IQCM: variants seen among roughly 807,000 people sequenced by gnomAD.
IQCM encodes IQ motif containing M, also known as IQ domain-containing protein M.
IQCM carries 45 observed loss-of-function variants against 57.6 expected under a neutral mutation model. That is an observed-to-expected ratio of 0.78 (90% CI 0.62 to 1.00). IQCM has a LOEUF of 1.00. Ranked by LOEUF, IQCM falls within the 50% of genes least tolerant of loss-of-function variation. The pLI, the probability that IQCM is intolerant of heterozygous loss-of-function variation, is 0.00. For missense variants in IQCM, 468 were observed against 511.6 expected (o/e 0.91, Z 0.82); for synonymous variants, 148 against 158.9 (o/e 0.93, Z 0.51).
intron 12 of IQCM, among the ~76,000 whole-genome samples, chr4:149,468,570 G>C (rs192498556): frequency 0.015 from 1,799 of 120,708 alleles, 39 homozygotes; most frequent in Non-Finnish European, 0.016. Context: ...CTGAACAAAA[G>C]GCAGCAGAAA....
chr4:149,767,903 T>G (rs567405992), intron 2 of IQCM, among the ~76,000 whole-genome samples: 6 of 152,126 alleles, frequency 3.9e-5, no homozygotes, highest in Non-Finnish European at 7.4e-5. Context: ...TAACATAAAA[T>G]GGACTTTTAT....
chr4:149,511,143 T>C (rs1336356696), intron 12 of IQCM, among the ~76,000 whole-genome samples: 1 of 152,192 alleles, frequency 6.6e-6, no homozygotes, highest in East Asian at 1.9e-4. Context: ...TATGATATTC[T>C]TCCTTTCTCT....
At chr4:149,787,752 C>T (rs1772203986) in intron 2 of IQCM, among the ~76,000 whole-genome samples, 1 of 151,990 alleles carries the variant, frequency 6.6e-6, no homozygotes, top group Non-Finnish European at 1.5e-5. Context: ...ACAGGGAAAA[C>T]ACCTCAAAAC....
intron 8 of IQCM, among the ~76,000 whole-genome samples, chr4:149,610,479 A>G (rs777941432): frequency 6.6e-6 from 1 of 152,112 alleles, no homozygotes; most frequent in East Asian, 1.9e-4. Context: ...AAATTATACT[A>G]TAAAGCTATG....
Position 149,683,372 on chromosome 4 carries a change from T to C in IQCM, c.477-1166A>G, listed in dbSNP as rs543407045. On this transcript the variant is annotated intron_variant, in intron 6 of 13. Transcript: ENST00000636793. ...TTTCTAGAATTTTAAAACATTTGCC[T>C]AGAAAGCAGCATGGTCTATGAAAGA... 5.4e-4 allele frequency among the ~76,000 whole-genome samples: 82 copies of C among 151,378 alleles called. 1 individual carries two copies. In the South Asian group the frequency reaches 0.015, roughly 28 times the overall value.
intron 7 of IQCM, among the ~76,000 whole-genome samples, chr4:149,641,700 CA>C (rs1758207123): frequency 6.6e-6 from 1 of 152,022 alleles, no homozygotes; most frequent in Admixed American, 6.5e-5. Flanking sequence ...AAATTTAGAA[CA>C]TTAAAATTAT....
chr4:149,684,051 A>G (rs774569591), intron 6 of IQCM, among the ~76,000 whole-genome samples: 7 of 151,360 alleles, frequency 4.6e-5, no homozygotes, highest in Non-Finnish European at 1.0e-4. Flanking sequence ...AATGCACCAA[A>G]TAATATCAAC....
chr4:149,703,770 A>G (rs755424275), intron 5 of IQCM, among the ~76,000 whole-genome samples: 30 of 152,062 alleles, frequency 2.0e-4, no homozygotes, highest in Non-Finnish European at 3.2e-4. Context: ...TGTCAAAGGG[A>G]AAATCATTAC....
intron 7 of IQCM, among the ~76,000 whole-genome samples, chr4:149,634,881 T>G (rs189836185): frequency 2.6e-4 from 40 of 152,312 alleles, no homozygotes; most frequent in Non-Finnish European, 4.7e-4. Flanking sequence ...AGAATTTGCC[T>G]CATCTAATCC....
chr4:149,608,645 A>G (rs1024893492), intron 8 of IQCM, among the ~76,000 whole-genome samples: 1 of 151,828 alleles, frequency 6.6e-6, no homozygotes, highest in Non-Finnish European at 1.5e-5. Context: ...GGAACTTAAT[A>G]TATTCCCAAA....
intron 12 of IQCM, among the ~76,000 whole-genome samples, chr4:149,519,687 A>G (rs778472749): frequency 8.1e-5 from 12 of 148,288 alleles, no homozygotes; most frequent in Non-Finnish European, 1.3e-4. Context: ...GCCTCTTAAT[A>G]TATGTGTCAT....
chr4:149,619,610 C>T (rs1756138566), intron 8 of IQCM, among the ~76,000 whole-genome samples: 1 of 151,726 alleles, frequency 6.6e-6, no homozygotes, highest in South Asian at 2.1e-4. Context: ...AATAAAAATC[C>T]AACATGTGTT....
chr4:149,536,162 T>C (rs754930458), intron 12 of IQCM, among the ~76,000 whole-genome samples: 3 of 152,066 alleles, frequency 2.0e-5, no homozygotes, highest in Non-Finnish European at 2.9e-5. Flanking sequence ...ACTGACAATA[T>C]TGATTTATTT....
chr4:149,393,312 T>A (rs1731992673), intron 13 of IQCM, among the ~76,000 whole-genome samples: 1 of 151,686 alleles, frequency 6.6e-6, no homozygotes, highest in Admixed American at 6.6e-5. Flanking sequence ...GCAAAATAGA[T>A]ACTGTTGAGG....
intron 2 of IQCM, among the ~76,000 whole-genome samples, chr4:149,743,852 C>T (rs948113760): frequency 2.0e-5 from 3 of 152,190 alleles, no homozygotes; most frequent in Non-Finnish European, 4.4e-5. Flanking sequence ...GAGTCAGTTA[C>T]ACCAGTGCAT....
intron 12 of IQCM, among the ~76,000 whole-genome samples, chr4:149,500,800 T>A (rs746765842): frequency 2.0e-5 from 3 of 152,144 alleles, no homozygotes; most frequent in Non-Finnish European, 4.4e-5. Flanking sequence ...AGTTTCTCTA[T>A]TAGAAGAATA....
intron 7 of IQCM, among the ~76,000 whole-genome samples, chr4:149,643,709 G>A (rs1281106435): frequency 6.6e-6 from 1 of 152,156 alleles, no homozygotes; most frequent in Non-Finnish European, 1.5e-5. Flanking sequence ...GGTATCCAGA[G>A]AGGCTTGTCA....
At chr4:149,454,757 C>T (rs1356252810) in intron 12 of IQCM, among the ~76,000 whole-genome samples, 1 of 151,854 alleles carries the variant, frequency 6.6e-6, no homozygotes, top group African/African-American at 2.4e-5. Flanking sequence ...TATGAAAAAC[C>T]TCATGTATGA....
chr4:149,813,308 T>C (rs987910263), intron 2 of IQCM, among the ~76,000 whole-genome samples: 1 of 152,040 alleles, frequency 6.6e-6, no homozygotes, highest in Non-Finnish European at 1.5e-5. Context: ...TCTAGGGTAA[T>C]ATAAAATATT....
Sources: gnomAD v4.1 joint callset for allele counts (sites outside exome capture counted in the v4.1 genomes callset) on GRCh38, gnomAD v4.1.1 for gene constraint, MANE v1.5 for transcripts, NCBI Gene and HGNC (gene_info 2026-07-23, HGNC 2026-07-21) for gene names.